Variants in CHLSN observed in about 807,000 individuals in gnomAD.
CHLSN encodes protein cholesin.
the CHLSN span, chr7:987,090 G>GC: frequency 6.6e-7 from 1 of 1,510,408 alleles, no homozygotes; most frequent in Non-Finnish European, 8.9e-7. Flanking sequence ...CACGAGCCCT[G>GC]CCCCACGCCT....
chr7:982,279 A>G, the CHLSN span, among the ~76,000 whole-genome samples: 1 of 152,140 alleles, frequency 6.6e-6, no homozygotes, highest in African/African-American at 2.4e-5. Flanking sequence ...CCAACCCGGG[A>G]GGGGTGAGGG....
At chr7:1,116,153 G>A in the CHLSN span, among the ~76,000 whole-genome samples, 3 of 127,298 alleles carry the variant, frequency 2.4e-5, no homozygotes, top group African/African-American at 9.0e-5. Context: ...ACAGCTCTAC[G>A]GACCGGCTTC....
the CHLSN span, chr7:988,213 C>T: frequency 6.6e-7 from 1 of 1,506,348 alleles, no homozygotes; most frequent in Non-Finnish European, 8.9e-7. Context: ...ATGAAACTTC[C>T]CAACCCAGGC....
At chr7:1,012,652 G>T in the CHLSN span, among the ~76,000 whole-genome samples, 6 of 152,258 alleles carry the variant, frequency 3.9e-5, no homozygotes, top group East Asian at 1.2e-3. Flanking sequence ...GCCCTGGGCT[G>T]TGCCTGACAC....
At chr7:1,040,392 G>A in the CHLSN span, among the ~76,000 whole-genome samples, 1 of 152,102 alleles carries the variant, frequency 6.6e-6, no homozygotes, top group Non-Finnish European at 1.5e-5. Flanking sequence ...GTACTCAGGA[G>A]GCTGAGGAGT....
At chr7:1,129,701 C>T in the CHLSN span, among the ~76,000 whole-genome samples, 19 of 152,352 alleles carry the variant, frequency 1.2e-4, no homozygotes, top group South Asian at 1.7e-3. Flanking sequence ...CCTCGGCCTC[C>T]GCAAGTGCTG....
the CHLSN span, among the ~76,000 whole-genome samples, chr7:1,080,474 G>A: frequency 4.6e-5 from 7 of 152,148 alleles, no homozygotes; most frequent in East Asian, 1.9e-4. Context: ...GTGACGGTCC[G>A]GGGAGTCTGA....
At chr7:1,122,645 C>T in the CHLSN span, among the ~76,000 whole-genome samples, 1 of 152,170 alleles carries the variant, frequency 6.6e-6, no homozygotes, top group Non-Finnish European at 1.5e-5. Flanking sequence ...GCCCCACAGT[C>T]CTCCCGAAGG....
At chr7:1,079,811 C>A in the CHLSN span, among the ~76,000 whole-genome samples, 3 of 152,258 alleles carry the variant, frequency 2.0e-5, no homozygotes, top group Non-Finnish European at 4.4e-5. Context: ...TCTGGGGAAG[C>A]AGCCCTGGAG....
At chr7:1,016,630 AGC>A in the CHLSN span, among the ~76,000 whole-genome samples, 1 of 126,816 alleles carries the variant, frequency 7.9e-6, no homozygotes. Flanking sequence ...AGAGCACAGT[AGC>A]GCACGCCAGC....
the CHLSN span, chr7:983,484 C>G: frequency 2.4e-5 from 30 of 1,232,896 alleles, no homozygotes; most frequent in Admixed American, 6.6e-5. Context: ...TGCCTGTTCC[C>G]ACATGGTGCC....
the CHLSN span, among the ~76,000 whole-genome samples, chr7:1,038,686 G>T: frequency 7.8e-6 from 1 of 128,726 alleles, no homozygotes; most frequent in Non-Finnish European, 1.7e-5. Flanking sequence ...CTGGCCAGCC[G>T]CCCTGTCCGG....
chr7:997,157 C>T, the CHLSN span: 1 of 154,598 alleles, frequency 6.5e-6, no homozygotes, highest in Non-Finnish European at 1.4e-5. Flanking sequence ...AGCCAGGCCC[C>T]TCGATGGACG....
the CHLSN span, among the ~76,000 whole-genome samples, chr7:1,004,039 G>C: frequency 6.6e-6 from 1 of 151,932 alleles, no homozygotes; most frequent in African/African-American, 2.4e-5. Context: ...AGTCCTGCGG[G>C]TGTGGAGCCC....
the CHLSN span, chr7:1,127,227 G>C: frequency 1.0e-4 from 163 of 1,574,304 alleles, no homozygotes; most frequent in Middle Eastern, 1.4e-3. Context: ...ATCCCAGAGG[G>C]CAGGGCCAGT....
chr7:1,078,678 C>T, the CHLSN span, among the ~76,000 whole-genome samples: 1 of 152,238 alleles, frequency 6.6e-6, no homozygotes. Context: ...GGATCACAGG[C>T]TGGCCCAGTG....
At chr7:1,130,783 G>A in the CHLSN span, among the ~76,000 whole-genome samples, 4 of 152,216 alleles carry the variant, frequency 2.6e-5, no homozygotes, top group African/African-American at 7.2e-5. Flanking sequence ...ACCAGCACAC[G>A]CGGCATGCAC....
chr7:1,058,731 T>C, the CHLSN span: 3 of 583,234 alleles, frequency 5.1e-6, no homozygotes, highest in Non-Finnish European at 9.4e-6. Context: ...CCCCGAGGCC[T>C]GTGCGTCTCC....
chr7:1,005,986 G>A, the CHLSN span, among the ~76,000 whole-genome samples: 5 of 152,266 alleles, frequency 3.3e-5, no homozygotes, highest in Admixed American at 2.0e-4. Flanking sequence ...CCCAGCAGGC[G>A]TGTTCTTTTC....
Sources: allele counts gnomAD v4.1 joint callset (sites outside exome capture counted in the v4.1 genomes callset), GRCh38; gene constraint gnomAD v4.1.1; transcripts MANE v1.5; gene names NCBI Gene and HGNC (gene_info 2026-07-23, HGNC 2026-07-21).